The following CDC42BPB variants were observed in gnomAD, a reference collection of about 807,000 sequenced individuals.
CDC42BPB encodes the protein serine/threonine-protein kinase MRCK beta.
Under a neutral mutation model 214.9 loss-of-function variants are expected in CDC42BPB, and 37 were observed. The ratio of observed to expected loss-of-function variants is 0.17; its 90% CI spans 0.13 to 0.23. CDC42BPB has a LOEUF of 0.23. Among genes scored for constraint, CDC42BPB ranks in the 10% least tolerant of loss-of-function variants. The pLI is 1.00. For missense variants in CDC42BPB, 1,694 were observed against 2,227.0 expected, an observed-to-expected ratio of 0.76 and a Z score of 4.82; for synonymous variants, 931 against 884.0, an observed-to-expected ratio of 1.05 and a Z score of -0.94.
chr14:102,956,404 T>TTTCA, intron 21 of CDC42BPB: 2 of 977,238 alleles, frequency 2.0e-6, no homozygotes, highest in Non-Finnish European at 2.4e-6. Context: ...AACCAACATG[T>TTTCA]TTCATGCAGG....
intron 23 of CDC42BPB, among the ~76,000 whole-genome samples, chr14:102,953,739 G>C (rs1892592173): frequency 6.6e-6 from 1 of 152,240 alleles, no homozygotes; most frequent in African/African-American, 2.4e-5. Context: ...TCTCCAGGAT[G>C]CACTTGTGGA....
intron 9 of CDC42BPB, among the ~76,000 whole-genome samples, chr14:102,977,653 A>G (rs1893816169): frequency 6.6e-6 from 1 of 152,216 alleles, no homozygotes; most frequent in Non-Finnish European, 1.5e-5. Flanking sequence ...CTGAGTGCGC[A>G]TGGCAACTGC....
In CDC42BPB at chr14:102,944,404, G is replaced by A. The variant is rs759811615; in HGVS notation, c.3895C>T (p.Arg1299Trp). 2 of 1,612,954 alleles carry A rather than the reference G, an allele frequency of 1.2e-6. No individual in the cohort carries two copies. The highest frequency in any genetic ancestry group is 1.7e-6 in the Non-Finnish European group (2 of 1,180,016). Reference sequence around the variant, plus strand: ...GGATAGAGGTGCACATGGTGGTTCCGGCCACAGAGGAGGATTACGATCTTC... The same window carrying A: ...GGATAGAGGTGCACATGGTGGTTCCAGCCACAGAGGAGGATTACGATCTTC... The part of the protein sequence containing the change: ...REKIVILLCG[R>W]NHHVHLYPWS... Residue 1299 changes from arginine to tryptophan, a missense_variant, in exon 30 of 37, where the codon CGG becomes TGG. Around this residue, in one of 7 missense-constraint regions of CDC42BPB, gnomAD observed 567 missense variants for 790.3 expected, o/e 0.72. Coordinates refer to ENST00000361246, the MANE Select transcript of CDC42BPB (RefSeq NM_006035.4). The surrounding 1 kb of genome is among the most constrained non-coding windows in gnomAD (Gnocchi z 6.6).
At chr14:103,027,450 A>G (rs1209882096) in intron 1 of CDC42BPB, among the ~76,000 whole-genome samples, 6 of 152,260 alleles carry the variant, frequency 3.9e-5, no homozygotes, top group Admixed American at 3.9e-4. Context: ...CATTCGTAAT[A>G]GTCAAAAAGT....
At chr14:102,949,686 T>C in intron 26 of CDC42BPB, 79 bp downstream of exon 26, 1 of 1,573,146 alleles carries the variant, frequency 6.4e-7, no homozygotes, top group Non-Finnish European at 8.7e-7. Context: ...GAAAGACTAC[T>C]AAGGAACACA....
At position 102,943,348 on chromosome 14, in the gene CDC42BPB, G is replaced by A. The variant is rs1323885141; in HGVS notation, c.4408+543C>T. 6.6e-6 allele frequency among the ~76,000 whole-genome samples: 1 copy of A among 152,208 alleles called. No individual in the cohort carries two copies. Among genetic ancestry groups the A allele is most frequent in the African/African-American group, 2.4e-5 (1 of 41,444 alleles). ...CCACTGGTCCTACCTGTTCCCCAGTGCCACCATTCATAGAGAAAGTCATGC... is the reference window on the plus strand; with the variant it reads ...CCACTGGTCCTACCTGTTCCCCAGTACCACCATTCATAGAGAAAGTCATGC... On this transcript the variant is annotated intron_variant, in intron 30 of 36. Coordinates refer to ENST00000361246, the MANE Select transcript of CDC42BPB (RefSeq NM_006035.4). This position sits in a 1 kb window ranked among gnomAD's most constrained non-coding sequence, Gnocchi z 4.6.
intron 1 of CDC42BPB, among the ~76,000 whole-genome samples, chr14:103,045,586 C>T (rs1347919524): frequency 6.6e-6 from 1 of 152,228 alleles, no homozygotes; most frequent in Non-Finnish European, 1.5e-5. Context: ...ACCCCCTTCT[C>T]CTCTCCTCCA....
At position 102,940,339 on chromosome 14, in the gene CDC42BPB, G is replaced by A; in HGVS notation, c.4409-15C>T. The A allele has an allele frequency of 1.9e-6, 3 of 1,556,508 alleles. No homozygotes were observed. Among genetic ancestry groups the A allele is most frequent in the Non-Finnish European group, 2.6e-6 (3 of 1,150,284 alleles). On this transcript the variant is annotated splice_polypyrimidine_tract_variant and intron_variant, in intron 30 of 36. Transcript: ENST00000361246. The stretch of plus-strand genomic sequence containing the variant: ...GGGGCTGCAACCTAGCGCAGACGGA[G>A]CAGGGCGGGGTGAGCCACAGTGGCT...
intron 1 of CDC42BPB, chr14:103,041,624 C>T (rs777647037): frequency 1.7e-5 from 12 of 724,788 alleles, no homozygotes; most frequent in Non-Finnish European, 2.6e-5. Flanking sequence ...GCGTTGGGAC[C>T]CATCCGGCCC....
At position 102,949,783 on chromosome 14, in the gene CDC42BPB, C is replaced by T. The variant is rs1892397974; in HGVS notation, c.3431G>A (p.Ser1144Asn). 3 of 1,613,312 alleles carry T rather than the reference C, an allele frequency of 1.9e-6. No individual in the cohort carries two copies. The highest frequency in any genetic ancestry group is 2.7e-5 in the African/African-American group (2 of 74,950). The change falls in exon 26 of 37, where the codon AGC becomes AAC. Residue 1144 changes from serine (S) to asparagine (N), a missense_variant. This residue lies in a region of CDC42BPB where 567 missense variants were observed against 790.3 expected (regional missense o/e 0.72). Transcript: ENST00000361246. ...GKSTQPGVIA[S>N]QVLDLRDDEF... ...CGCAGACCTGAGATCCAAGACTTGG[C>T]TCGCAATGACACCAGGCTGGGTGGA... is the stretch of plus-strand genomic sequence containing the variant.
At chr14:102,950,952 C>T (rs1036068083) in intron 24 of CDC42BPB, among the ~76,000 whole-genome samples, 1 of 151,956 alleles carries the variant, frequency 6.6e-6, no homozygotes, top group African/African-American at 2.4e-5. Context: ...GGCCACAGAG[C>T]GAGACTCCAT....
intron 1 of CDC42BPB, among the ~76,000 whole-genome samples, chr14:103,032,962 A>G (rs1448516681): frequency 6.6e-6 from 1 of 151,938 alleles, no homozygotes; most frequent in Non-Finnish European, 1.5e-5. Flanking sequence ...AATTTAAACA[A>G]TGACTATTTT....
At chr14:102,986,799 G>A (rs1894266076) in intron 5 of CDC42BPB, 1 of 892,334 alleles carries the variant, frequency 1.1e-6, no homozygotes, top group Non-Finnish European at 1.3e-6. Flanking sequence ...CCCTGGCGAG[G>A]CCCTGTGACG....
intron 1 of CDC42BPB, among the ~76,000 whole-genome samples, chr14:103,013,985 G>A (rs1025001198): frequency 2.0e-5 from 3 of 152,152 alleles, no homozygotes; most frequent in Non-Finnish European, 4.4e-5. Flanking sequence ...CTAACACGGT[G>A]AAACCCTGTC....
At position 103,007,354 on chromosome 14, in the gene CDC42BPB, G is replaced by A. The variant is rs189594723; in HGVS notation, c.351+1118C>T. Among the ~76,000 whole-genome samples, 477 of 152,278 alleles carry A rather than the reference G, an allele frequency of 3.1e-3. 6 individuals carry two copies. The highest frequency in any genetic ancestry group is 2.1e-3 in the Non-Finnish European group (146 of 68,038). On this transcript the variant is annotated intron_variant, in intron 3 of 36. Transcript: ENST00000361246. ...ACGAGGAACCGATAACACCCACCAA[G>A]TTAATAAAACCCAGGGCCCCAGAGA...
chr14:103,047,052 A>G (rs1037905330), intron 1 of CDC42BPB, among the ~76,000 whole-genome samples: 4 of 151,620 alleles, frequency 2.6e-5, no homozygotes, highest in African/African-American at 9.7e-5. Context: ...CTGGGAGGCC[A>G]AGGCGGGTGG....
At chr14:102,972,403 C>A (rs1893517802) in intron 12 of CDC42BPB, 1 of 892,172 alleles carries the variant, frequency 1.1e-6, no homozygotes, top group Non-Finnish European at 1.3e-6. Flanking sequence ...AAAGGCCCCA[C>A]AGGCCGGGCA....
chr14:102,963,206 G>C, intron 19 of CDC42BPB, 51 bp from the exon 20 acceptor site: 2 of 1,564,094 alleles, frequency 1.3e-6, no homozygotes, highest in Non-Finnish European at 1.7e-6. Context: ...GGTTGTCTGT[G>C]AGCTGGTATG....
chr14:103,029,537 T>G (rs547995199), intron 1 of CDC42BPB, among the ~76,000 whole-genome samples: 1 of 131,058 alleles, frequency 7.6e-6, no homozygotes, highest in Admixed American at 8.0e-5. Flanking sequence ...AGCAAGACTC[T>G]GTCTCAAAGG....
Sources: allele counts gnomAD v4.1 joint callset (sites outside exome capture counted in the v4.1 genomes callset), GRCh38; gene constraint gnomAD v4.1.1; regional missense constraint gnomAD v4.1.1; non-coding constraint Gnocchi (gnomAD v3.1); transcripts MANE v1.5; gene names NCBI Gene and HGNC (gene_info 2026-07-23, HGNC 2026-07-21).